Variants in TMEM131 observed in about 807,000 individuals in gnomAD.
TMEM131 encodes 2610524E03Rik.
TMEM131 carries 66 observed loss-of-function variants against 211.6 expected under a neutral mutation model. That is an observed-to-expected ratio of 0.31 (90% CI 0.26 to 0.38). The LOEUF (loss-of-function observed/expected upper bound fraction) is 0.38, where lower values mean the gene tolerates loss of function less well. TMEM131 is among the 10% of genes least tolerant of loss of function. The pLI, the probability that TMEM131 is intolerant of heterozygous loss-of-function variation, is 1.00. For synonymous variants in TMEM131, 844 were observed against 841.3 expected (o/e 1.00, Z -0.06); for missense variants, 2,036 against 2,299.3 (o/e 0.89, Z 2.34).
chr2:97,840,565 G>C (rs1683151299), intron 7 of TMEM131, among the ~76,000 whole-genome samples: 1 of 152,242 alleles, frequency 6.6e-6, no homozygotes, highest in South Asian at 2.1e-4. Flanking sequence ...ACTCCAGTTT[G>C]AGTGACAGAG....
intron 1 of TMEM131, among the ~76,000 whole-genome samples, chr2:97,981,028 CAAAAAAAAAAAAAAAAAAAAAAA>C (rs57606185): frequency 2.1e-4 from 8 of 37,950 alleles, no homozygotes; most frequent in African/African-American, 5.9e-4. Context: ...AACTACACAC[CAAAAAAAAAAAAAAAAAAAAAAA>C]AAAAAAAAAA....
At chr2:97,760,508 C>A in intron 38 of TMEM131, 85 bp downstream of exon 38, 1 of 1,270,838 alleles carries the variant, frequency 7.9e-7, no homozygotes, top group Non-Finnish European at 1.1e-6. Flanking sequence ...GAAAAATGCC[C>A]TGAAACCCAT....
At chr2:97,885,293 T>TTCGCG (rs372164636) in intron 4 of TMEM131, among the ~76,000 whole-genome samples, 1 of 149,714 alleles carries the variant, frequency 6.7e-6, no homozygotes, top group African/African-American at 2.5e-5. Flanking sequence ...CGCTTCCCGG[T>TTCGCG]CCATTCTCCT....
At chr2:97,827,156 G>A in intron 11 of TMEM131, 1 of 610,102 alleles carries the variant, frequency 1.6e-6, no homozygotes. Context: ...GTGTTGGGGA[G>A]GAGTGGCAGC....
At position 97,756,547 on chromosome 2, in the gene TMEM131, CTTAAG is replaced by C. The variant is rs1186318415; in HGVS notation, c.*547_*551del. ...AATGTTTTTACATTCATTCACCGTT[CTTAAG>C]TTGACTTACATTTCTGTAATCTGCT... is the stretch of plus-strand genomic sequence containing the variant. On this transcript the variant is annotated 3_prime_UTR_variant, in exon 41 of 41. Coordinates refer to ENST00000186436, the MANE Select transcript of TMEM131 (RefSeq NM_015348.2). 2 of 152,234 alleles carry C rather than the reference CTTAAG, an allele frequency of 1.3e-5. No homozygotes were observed. Among genetic ancestry groups the C allele is most frequent in the African/African-American group, 4.8e-5 (2 of 41,444 alleles). The allele number at this position is 152,234 out of a possible 1,614,324, so 9.4% of individuals were successfully genotyped here. A position where few individuals can be genotyped will look rare whatever the true frequency, so the allele number is the denominator to read the frequency against.
At position 97,837,131 on chromosome 2, in the gene TMEM131, T is replaced by C. The variant is rs1573438635; in HGVS notation, c.750A>G (p.Gly250=). 6.2e-7 allele frequency: 1 copy of C among 1,608,868 alleles called. No homozygotes were observed. The highest frequency in any genetic ancestry group is 8.5e-7 in the Non-Finnish European group (1 of 1,178,078). ...LQVVEMYSSG[G]DLHLELPTGQ... is the part of the protein sequence containing the mutation. ...CCGTTGGGAGTTCTAGGTGAAGGTC[T>C]CCTCCACTAGAGTACATTTCTACAA... The change falls in exon 8 of 41, where the codon GGA becomes GGG. Residue 250 remains glycine, a synonymous_variant. Coordinates refer to ENST00000186436, the MANE Select transcript of TMEM131 (RefSeq NM_015348.2).
chr2:97,981,033 A>G (rs1380232406), intron 1 of TMEM131, among the ~76,000 whole-genome samples: 2 of 73,836 alleles, frequency 2.7e-5, no homozygotes, highest in African/African-American at 1.2e-4. Flanking sequence ...CACACCAAAA[A>G]AAAAAAAAAA....
At chr2:97,780,254 GGAA>G (rs1244269753) in intron 31 of TMEM131, among the ~76,000 whole-genome samples, 1 of 152,114 alleles carries the variant, frequency 6.6e-6, no homozygotes, top group African/African-American at 2.4e-5. Flanking sequence ...TGAGTCACCT[GGAA>G]GAAATGATCT....
intron 38 of TMEM131, chr2:97,760,168 G>A (rs1422751205): frequency 3.8e-6 from 1 of 266,238 alleles, no homozygotes; most frequent in Non-Finnish European, 7.2e-6. Context: ...CACACCCCCT[G>A]CATGATAAAC....
chr2:97,861,276 C>T (rs1674057481), intron 4 of TMEM131, among the ~76,000 whole-genome samples: 1 of 151,914 alleles, frequency 6.6e-6, no homozygotes, highest in Admixed American at 6.6e-5. Flanking sequence ...GGCATGCAAC[C>T]TACTGAGACA....
At chr2:97,882,081 C>T (rs1674958984) in intron 4 of TMEM131, among the ~76,000 whole-genome samples, 1 of 152,178 alleles carries the variant, frequency 6.6e-6, no homozygotes, top group South Asian at 2.1e-4. Flanking sequence ...ACAAAAAGAA[C>T]CTTACCTTAA....
intron 4 of TMEM131, chr2:97,887,767 C>A: frequency 3.3e-6 from 1 of 298,776 alleles, no homozygotes; most frequent in East Asian, 5.8e-5. Context: ...AAGTGCTAAT[C>A]AAAACAGCTA....
chr2:97,809,561 G>T lies in TMEM131; in HGVS notation c.2055+127C>A. 2 of 687,552 alleles carry T rather than the reference G, an allele frequency of 2.9e-6. 1 individual carries two copies. The highest frequency in any genetic ancestry group is 3.7e-5 in the South Asian group (2 of 53,980). 42.6% of individuals were successfully genotyped at this position (687,552 alleles called of 1,614,324 possible). On this transcript the variant is annotated intron_variant, in intron 19 of 40. Coordinates refer to ENST00000186436, the MANE Select transcript of TMEM131 (RefSeq NM_015348.2). ...CTCTTTACATCTTCTAAAGAACCTG[G>T]TATAATGTCTTTAAAATAAATGACT...
At chr2:97,758,825 T>G in intron 40 of TMEM131, 68 bp downstream of exon 40, 3 of 1,541,032 alleles carry the variant, frequency 1.9e-6, no homozygotes, top group Non-Finnish European at 2.6e-6. Context: ...GCCATCCATG[T>G]CACAGCAATG....
intron 1 of TMEM131, among the ~76,000 whole-genome samples, chr2:97,992,534 G>C (rs529975548): frequency 6.6e-6 from 1 of 151,658 alleles, no homozygotes; most frequent in African/African-American, 2.4e-5. Context: ...AAACTTATTC[G>C]AATTTATATT....
intron 1 of TMEM131, among the ~76,000 whole-genome samples, chr2:97,979,849 G>C (rs971593351): frequency 1.3e-5 from 2 of 152,150 alleles, no homozygotes; most frequent in Non-Finnish European, 2.9e-5. Flanking sequence ...TTTGGTACGA[G>C]AGGCCTAGCT....
chr2:97,776,926 T>C (rs1248297797), intron 31 of TMEM131, among the ~76,000 whole-genome samples: 1 of 152,240 alleles, frequency 6.6e-6, no homozygotes, highest in Non-Finnish European at 1.5e-5. Flanking sequence ...GAATGGTAAC[T>C]GGTGCATGAG....
rs1679174565 is a variant in TMEM131 at position 97,766,511 on chromosome 2, C to G, written c.4540G>C (p.Gly1514Arg). 2 of 1,613,954 alleles carry G rather than the reference C, an allele frequency of 1.2e-6. No individual in the cohort carries two copies. The highest frequency in any genetic ancestry group is 1.7e-6 in the Non-Finnish European group (2 of 1,179,884). ...TTCTGGGCATTTCGTGATTTGGATC[C>G]ACTTGTCATTGCAGTTGGAAGAGGA... The part of the protein sequence containing the change: ...KIPLPTAMTS[G>R]SKSRNAQKTK... Residue 1514 changes from glycine to arginine, a missense_variant, in exon 34 of 41, where the codon GGA (glycine) becomes CGA (arginine). Transcript: ENST00000186436.
At position 97,805,357 on chromosome 2, in the gene TMEM131, G is replaced by T. The variant is rs189892142; in HGVS notation, c.2284+19C>A. 6.2e-7 allele frequency: 1 copy of T among 1,610,996 alleles called. No individual in the cohort carries two copies. The highest frequency in any genetic ancestry group is 8.5e-7 in the Non-Finnish European group (1 of 1,177,988). ...TTGGGGGAAGTGAAGACATGAGAGA[G>T]AACAGCAAGGTCACTTACATTTGGA... On this transcript the variant is annotated intron_variant, in intron 21 of 40. Coordinates refer to ENST00000186436, the MANE Select transcript of TMEM131 (RefSeq NM_015348.2).
Sources: gnomAD v4.1 joint callset for allele counts (sites outside exome capture counted in the v4.1 genomes callset) on GRCh38, gnomAD v4.1.1 for gene constraint, MANE v1.5 for transcripts, NCBI Gene and HGNC (gene_info 2026-07-23, HGNC 2026-07-21) for gene names.